Variants in REEP5 observed in about 807,000 individuals in gnomAD.
REEP5 encodes the protein receptor expression-enhancing protein 5.
Under a neutral mutation model 22.4 loss-of-function variants are expected in REEP5, and 24 were observed. The observed-to-expected ratio is 1.07, with a 90% CI of 0.78 to 1.51. The LOEUF is 1.51. REEP5 is among the 40% of genes most tolerant of loss of function. The probability of loss-of-function intolerance (pLI) is 0.00; values close to 1 mark genes in which losing one functional copy is unlikely to be tolerated. For missense variants in REEP5, 252 were observed against 233.0 expected (o/e 1.08, Z -0.53); for synonymous variants, 103 against 88.6 (o/e 1.16, Z -0.92).
chr5:112,900,810 TA>T, intron 3 of REEP5, among the ~76,000 whole-genome samples: 1 of 152,008 alleles, frequency 6.6e-6, no homozygotes, highest in Non-Finnish European at 1.5e-5. Flanking sequence ...GTTTGTAGGC[TA>T]AAATAAAAAG....
intron 3 of REEP5, chr5:112,895,284 G>A (rs1252587467): frequency 1.4e-5 from 2 of 147,590 alleles, no homozygotes; most frequent in South Asian, 4.4e-4. Context: ...TGTGTTTTAT[G>A]ACTTTAGGCA....
At chr5:112,910,580 T>C (rs762233620) in intron 2 of REEP5, among the ~76,000 whole-genome samples, 24 of 151,894 alleles carry the variant, frequency 1.6e-4, no homozygotes, top group Non-Finnish European at 2.8e-4. Flanking sequence ...AGAGAGTATC[T>C]GTCCCCATAA....
intron 3 of REEP5, among the ~76,000 whole-genome samples, chr5:112,898,616 G>T (rs968719648): frequency 1.1e-4 from 16 of 152,296 alleles, no homozygotes; most frequent in Middle Eastern, 3.4e-3. Context: ...ACTGCAAGTA[G>T]TTCTGCTGAC....
intron 2 of REEP5, among the ~76,000 whole-genome samples, chr5:112,920,082 C>G (rs895182348): frequency 1.3e-5 from 2 of 152,108 alleles, no homozygotes; most frequent in Non-Finnish European, 2.9e-5. Context: ...AAGCAGAGCC[C>G]GGGGTAGGCC....
intron 3 of REEP5, chr5:112,892,413 G>C (rs1768502354): frequency 6.2e-7 from 1 of 1,614,130 alleles, no homozygotes; most frequent in Non-Finnish European, 8.5e-7. Flanking sequence ...TGGGGAAAGT[G>C]ATTCAGTTCA....
At chr5:112,916,542 A>C (rs925443537) in intron 2 of REEP5, among the ~76,000 whole-genome samples, 1 of 152,244 alleles carries the variant, frequency 6.6e-6, no homozygotes, top group African/African-American at 2.4e-5. Context: ...CTATGTGTGC[A>C]GATATATGAT....
At position 112,922,056 on chromosome 5, in the gene REEP5, G is replaced by C. The variant is rs755109528; in HGVS notation, c.118+17C>G. On this transcript the variant is annotated intron_variant, in intron 1 of 4. Coordinates refer to ENST00000379638, the MANE Select transcript of REEP5 (RefSeq NM_005669.5). Reference sequence around the variant, plus strand: ...CTCCCGTGGCCCTACCAGCGGCGGCGACCCCCGGCCACCCACCAAGAGCGA... The same window carrying C: ...CTCCCGTGGCCCTACCAGCGGCGGCCACCCCCGGCCACCCACCAAGAGCGA... The C allele has an allele frequency of 2.5e-6, 4 of 1,581,058 alleles. No homozygotes were observed. The highest frequency in any genetic ancestry group is 3.4e-6 in the Non-Finnish European group (4 of 1,164,318).
At chr5:112,881,118 G>C (rs1316693262) in intron 4 of REEP5, among the ~76,000 whole-genome samples, 2 of 98,484 alleles carry the variant, frequency 2.0e-5, no homozygotes, top group African/African-American at 9.8e-5. Flanking sequence ...AACAGAGTGA[G>C]ACTCTGTTTC....
At chr5:112,900,841 C>CT (rs538292150) in intron 3 of REEP5, among the ~76,000 whole-genome samples, 245 of 143,730 alleles carry the variant, frequency 1.7e-3, no homozygotes, top group South Asian at 5.1e-3. Context: ...GAATATATTT[C>CT]TTTTTTTTTT....
chr5:112,906,743 G>GA (rs1768963287), intron 2 of REEP5, among the ~76,000 whole-genome samples: 1 of 152,202 alleles, frequency 6.6e-6, no homozygotes, highest in Non-Finnish European at 1.5e-5. Flanking sequence ...CAGACCTAGT[G>GA]ATTCAGCTGC....
At chr5:112,880,103 C>A (rs1019861063) in intron 4 of REEP5, among the ~76,000 whole-genome samples, 1 of 152,046 alleles carries the variant, frequency 6.6e-6, no homozygotes, top group Non-Finnish European at 1.5e-5. Context: ...GGTGACAAGA[C>A]ACTACATTCA....
chr5:112,889,680 A>G (rs917014590), intron 3 of REEP5, among the ~76,000 whole-genome samples: 6 of 150,590 alleles, frequency 4.0e-5, no homozygotes, highest in Non-Finnish European at 7.4e-5. Flanking sequence ...CATAGATTTT[A>G]ACATTTCCAT....
chr5:112,918,487 TC>T (rs1769279010), intron 2 of REEP5, among the ~76,000 whole-genome samples: 1 of 151,850 alleles, frequency 6.6e-6, no homozygotes, highest in Non-Finnish European at 1.5e-5. Flanking sequence ...CTGACACTAC[TC>T]CCCTTCTTGT....
rs747979448 is a variant in REEP5 at position 112,892,566 on chromosome 5, G to A, written c.352-5383C>T. ...AGCTGCAATGTGAATTCTGCCCAGT[G>A]ACCCGGTGGAAAATGGCGATTTGTG... On this transcript the variant is annotated intron_variant, in intron 3 of 4. Transcript: ENST00000379638. 11 of 1,614,208 alleles carry A rather than the reference G, an allele frequency of 6.8e-6. No individual in the cohort carries two copies. The South Asian group carries it at 1.1e-4, about 16-fold the overall frequency.
chr5:112,891,511 CAAACA>C, intron 3 of REEP5: 2 of 1,303,924 alleles, frequency 1.5e-6, no homozygotes, highest in African/African-American at 1.5e-5. Flanking sequence ...TATAAGTATG[CAAACA>C]AAACAATACT....
At chr5:112,912,465 A>G (rs1355563609) in intron 2 of REEP5, among the ~76,000 whole-genome samples, 2 of 152,194 alleles carry the variant, frequency 1.3e-5, no homozygotes, top group African/African-American at 2.4e-5. Flanking sequence ...ATACCCATAT[A>G]TATTTTAATT....
In REEP5 at chr5:112,878,491, A is replaced by C. The variant is rs920935371; in HGVS notation, c.*295T>G. On this transcript the variant is annotated 3_prime_UTR_variant, in exon 5 of 5. Coordinates refer to ENST00000379638, the MANE Select transcript of REEP5 (RefSeq NM_005669.5). ...AAGTACACAGCCTGTGGGGTATATA[A>C]TTTTATTTTAAGTTTATATTTCCTG... is the stretch of plus-strand genomic sequence containing the variant. The C allele has an allele frequency of 5.2e-6, 2 of 385,804 alleles. No individual in the cohort carries two copies. The highest frequency in any genetic ancestry group is 4.1e-5 in the African/African-American group (2 of 48,504). The allele number at this position is 385,804 out of a possible 1,614,324, so 23.9% of individuals were successfully genotyped here.
chr5:112,913,647 T>C (rs1156307497), intron 2 of REEP5, among the ~76,000 whole-genome samples: 3 of 152,086 alleles, frequency 2.0e-5, no homozygotes, highest in Non-Finnish European at 4.4e-5. Flanking sequence ...TGGTGTTTAA[T>C]TACAGTGATC....
intron 4 of REEP5, among the ~76,000 whole-genome samples, chr5:112,883,251 A>T (rs918450196): frequency 6.6e-6 from 1 of 152,174 alleles, no homozygotes; most frequent in African/African-American, 2.4e-5. Flanking sequence ...CTTTTCTCTC[A>T]TTCTCTCAAA....
Sources: allele counts gnomAD v4.1 joint callset (sites outside exome capture counted in the v4.1 genomes callset), GRCh38; gene constraint gnomAD v4.1.1; transcripts MANE v1.5; gene names NCBI Gene and HGNC (gene_info 2026-07-23, HGNC 2026-07-21).